JAKMIP2: variants seen among roughly 807,000 people sequenced by gnomAD.
The protein encoded by JAKMIP2 is janus kinase and microtubule-interacting protein 2.
A neutral mutation model predicts 115.0 loss-of-function variants in JAKMIP2; 25 were observed. The observed-to-expected ratio is 0.22, with a 90% CI of 0.16 to 0.30. JAKMIP2 has a LOEUF of 0.30. JAKMIP2 is among the 10% of genes least tolerant of loss of function. The pLI, the probability that JAKMIP2 is intolerant of heterozygous loss-of-function variation, is 1.00. For synonymous variants in JAKMIP2, 334 were observed against 343.6 expected, an observed-to-expected ratio of 0.97 and a Z score of 0.31; for missense variants, 642 against 957.6, an observed-to-expected ratio of 0.67 and a Z score of 4.35.
chr5:147,662,396 G>A (rs913444798), intron 2 of JAKMIP2, among the ~76,000 whole-genome samples: 1 of 152,018 alleles, frequency 6.6e-6, no homozygotes, highest in African/African-American at 2.4e-5. Flanking sequence ...TACCTCTCAG[G>A]AATTCCGGTT....
intron 1 of JAKMIP2, among the ~76,000 whole-genome samples, chr5:147,689,416 A>T (rs1760728551): frequency 6.6e-6 from 1 of 152,194 alleles, no homozygotes; most frequent in Admixed American, 6.5e-5. Context: ...GACTGAGCAT[A>T]AGGGTGGAAT....
At chr5:147,619,908 C>A (rs1350770038) in intron 18 of JAKMIP2, among the ~76,000 whole-genome samples, 1 of 152,112 alleles carries the variant, frequency 6.6e-6, no homozygotes, top group Non-Finnish European at 1.5e-5. Context: ...CTTACCTATA[C>A]CTCACAGAGT....
intron 1 of JAKMIP2, among the ~76,000 whole-genome samples, chr5:147,682,589 T>C (rs1472917073): frequency 6.6e-6 from 1 of 152,224 alleles, no homozygotes; most frequent in Non-Finnish European, 1.5e-5. Flanking sequence ...TTGTGCTCAT[T>C]GTACCTGTCA....
rs200893428 is a variant in JAKMIP2 at position 147,706,911 on chromosome 5, G to T, written c.-148-34957C>A. 1.1e-4 allele frequency among the ~76,000 whole-genome samples: 17 copies of T among 152,276 alleles called. 1 individual carries two copies. Among genetic ancestry groups the T allele is most frequent in the Admixed American group, 5.9e-4 (9 of 15,294 alleles). ...AAACTCAGACTCAGGGAAGCTTAAT[G>T]ATTTGCCCAGAGAATGACAGTCAGT... is the stretch of plus-strand genomic sequence containing the variant. On this transcript the variant is annotated intron_variant, in intron 1 of 21. Transcript: ENST00000616793.
chr5:147,753,735 A>C (rs1754643050), intron 1 of JAKMIP2, among the ~76,000 whole-genome samples: 1 of 152,188 alleles, frequency 6.6e-6, no homozygotes, highest in South Asian at 2.1e-4. Flanking sequence ...TTGTGGTAGA[A>C]AAGCTAATCT....
chr5:147,663,838 T>C (rs924642405), intron 2 of JAKMIP2, among the ~76,000 whole-genome samples: 1 of 152,144 alleles, frequency 6.6e-6, no homozygotes, highest in Non-Finnish European at 1.5e-5. Flanking sequence ...CACCTCCAGC[T>C]TACACCTACG....
chr5:147,775,886 C>G (rs1357122430), intron 1 of JAKMIP2, among the ~76,000 whole-genome samples: 1 of 152,104 alleles, frequency 6.6e-6, no homozygotes, highest in East Asian at 1.9e-4. Flanking sequence ...ATTTTCTGCC[C>G]TCATGGAGCT....
intron 10 of JAKMIP2, among the ~76,000 whole-genome samples, chr5:147,638,175 T>C (rs1757712086): frequency 6.6e-6 from 1 of 152,182 alleles, no homozygotes. Flanking sequence ...TTTTAATTTC[T>C]AGTCTCTTTA....
At chr5:147,772,612 A>G (rs911423428) in intron 1 of JAKMIP2, among the ~76,000 whole-genome samples, 3 of 151,856 alleles carry the variant, frequency 2.0e-5, no homozygotes, top group African/African-American at 7.3e-5. Context: ...TAAAATTTGG[A>G]TAAAAGTGTG....
intron 18 of JAKMIP2, among the ~76,000 whole-genome samples, chr5:147,618,474 C>T (rs955600455): frequency 1.3e-5 from 2 of 152,234 alleles, no homozygotes; most frequent in South Asian, 4.1e-4. Context: ...CGGTGGCTCA[C>T]ACCTGTAATC....
At chr5:147,751,242 G>GT (rs1484916741) in intron 1 of JAKMIP2, among the ~76,000 whole-genome samples, 5 of 141,886 alleles carry the variant, frequency 3.5e-5, no homozygotes, top group African/African-American at 8.2e-5. Context: ...CGGCTAAGTT[G>GT]TTTTTTTGTT....
rs1362648003 is a variant in JAKMIP2, at chr5:147,782,580, C to T, written c.-273G>A. ...AGCAGTGGCTGCCGGTTTTTTTTTT[C>T]CCTCTGTCTCTGGTTGGCGATGGTG... On this transcript the variant is annotated 5_prime_UTR_variant, in exon 1 of 22. Coordinates refer to ENST00000616793, the MANE Select transcript of JAKMIP2 (RefSeq NM_001270941.2). 1.7e-5 allele frequency: 16 copies of T among 968,090 alleles called. No individual in the cohort carries two copies. Among genetic ancestry groups the T allele is most frequent in the African/African-American group, 3.3e-5 (2 of 61,494 alleles). The allele number at this position is 968,090 out of a possible 1,614,324, so 60.0% of individuals were successfully genotyped here. A position where few individuals can be genotyped will look rare whatever the true frequency, so the allele number is the denominator to read the frequency against.
intron 5 of JAKMIP2, among the ~76,000 whole-genome samples, chr5:147,646,751 C>T (rs1028152653): frequency 2.0e-5 from 3 of 150,394 alleles, no homozygotes; most frequent in Admixed American, 6.6e-5. Context: ...CTAATAACAA[C>T]GACTTTAAGC....
rs1186986622 is a variant in JAKMIP2 at position 147,592,836 on chromosome 5, C to A, written c.*21-1150G>T. 2.0e-5 allele frequency among the ~76,000 whole-genome samples: 3 copies of A among 152,286 alleles called. No individual in the cohort carries two copies. In the East Asian group the frequency reaches 5.8e-4, roughly 29 times the overall value. ...GGAGGCACTTAGTACCCCAAGGATA[C>A]TTCTAGTCTACCAACCAGGGGCAAC... is the stretch of plus-strand genomic sequence containing the variant. On this transcript the variant is annotated intron_variant, in intron 21 of 21. Coordinates refer to ENST00000616793, the MANE Select transcript of JAKMIP2 (RefSeq NM_001270941.2).
At chr5:147,656,698 A>G (rs1758693484) in intron 3 of JAKMIP2, among the ~76,000 whole-genome samples, 1 of 152,130 alleles carries the variant, frequency 6.6e-6, no homozygotes, top group South Asian at 2.1e-4. Context: ...TAAGGTTAAT[A>G]TTGTTATATG....
At chr5:147,757,610 T>C (rs959215428) in intron 1 of JAKMIP2, among the ~76,000 whole-genome samples, 2 of 152,044 alleles carry the variant, frequency 1.3e-5, no homozygotes, top group African/African-American at 4.8e-5. Context: ...TCCTTATTTC[T>C]GAAAGGAGTG....
At chr5:147,660,250 G>T (rs1049978088) in intron 3 of JAKMIP2, among the ~76,000 whole-genome samples, 1 of 152,034 alleles carries the variant, frequency 6.6e-6, no homozygotes, top group African/African-American at 2.4e-5. Context: ...CCTGGTTTTT[G>T]GTCAAACATG....
In JAKMIP2 at chr5:147,597,423, T is replaced by C. The variant is rs551596804; in HGVS notation, c.*20+4318A>G. 2.6e-5 allele frequency among the ~76,000 whole-genome samples: 4 copies of C among 152,328 alleles called. No individual in the cohort carries two copies. The South Asian group carries it at 8.3e-4, about 32-fold the overall frequency. On this transcript the variant is annotated intron_variant, in intron 21 of 21. Coordinates refer to ENST00000616793, the MANE Select transcript of JAKMIP2 (RefSeq NM_001270941.2). ...AAGTTCAAAAATTTATGGTTAACAC[T>C]GGAGAAATATCATTAAAATTTATAT... is the stretch of plus-strand genomic sequence containing the variant.
In JAKMIP2 at chr5:147,640,773, T is replaced by C; in HGVS notation, c.1332A>G (p.Ser444=). Residue 444 remains serine, a synonymous_variant, in exon 9 of 22, where the codon TCA becomes TCG. Transcript: ENST00000616793. ...TAAATGAGGCCATGGATGATGTCTC[T>C]GAATCCATAGAGTCCTCATCATAGC... ...FIGYDEDSMD[S]ETSSMASFRT... 1 of 1,613,000 alleles carries C rather than the reference T, an allele frequency of 6.2e-7. No homozygotes were observed. Among genetic ancestry groups the C allele is most frequent in the Non-Finnish European group, 8.5e-7 (1 of 1,179,104 alleles).
Sources: gnomAD v4.1 joint callset for allele counts (sites outside exome capture counted in the v4.1 genomes callset) on GRCh38, gnomAD v4.1.1 for gene constraint, MANE v1.5 for transcripts, NCBI Gene and HGNC (gene_info 2026-07-23, HGNC 2026-07-21) for gene names.